The following PARN variants were observed in gnomAD, a reference collection of about 807,000 sequenced individuals.
PARN encodes the protein poly(A)-specific ribonuclease, also known as poly(A)-specific ribonuclease PARN.
Under a neutral mutation model 102.8 loss-of-function variants are expected in PARN, and 71 were observed. The observed-to-expected ratio is 0.69, with a 90% CI of 0.57 to 0.84. The LOEUF (loss-of-function observed/expected upper bound fraction) is 0.84. PARN is among the 40% of genes least tolerant of loss of function. The pLI is 0.00. For missense variants in PARN, 782 were observed against 760.9 expected, an observed-to-expected ratio of 1.03 and a Z score of -0.33; for synonymous variants, 261 against 252.9, an observed-to-expected ratio of 1.03 and a Z score of -0.30.
chr16:14,487,150 T>C (rs1963756220), intron 21 of PARN, among the ~76,000 whole-genome samples: 1 of 152,230 alleles, frequency 6.6e-6, no homozygotes, highest in South Asian at 2.1e-4. Flanking sequence ...GCACACAGCA[T>C]AGCATTTAAT....
intron 22 of PARN, among the ~76,000 whole-genome samples, chr16:14,449,189 T>C (rs1400510663): frequency 6.6e-6 from 1 of 152,160 alleles, no homozygotes; most frequent in African/African-American, 2.4e-5. Flanking sequence ...TTAAAAATAC[T>C]CTGTGAAATA....
chr16:14,498,398 C>G (rs776297956), intron 21 of PARN, among the ~76,000 whole-genome samples: 12 of 152,108 alleles, frequency 7.9e-5, no homozygotes, highest in Non-Finnish European at 1.6e-4. Flanking sequence ...TCCCTTTAAC[C>G]GTCCCTTGCC....
intron 23 of PARN, among the ~76,000 whole-genome samples, chr16:14,437,841 G>A (rs931071204): frequency 6.6e-6 from 1 of 152,200 alleles, no homozygotes; most frequent in Non-Finnish European, 1.5e-5. Flanking sequence ...ATATCACTGA[G>A]TTCACAGTGG....
intron 10 of PARN, among the ~76,000 whole-genome samples, chr16:14,605,467 G>A (rs946701110): frequency 3.3e-5 from 5 of 152,134 alleles, no homozygotes; most frequent in African/African-American, 4.8e-5. Context: ...TTTGAACATT[G>A]ACTTCTGAAG....
At chr16:14,501,646 G>A (rs761740022) in intron 21 of PARN, 1 of 151,924 alleles carries the variant, frequency 6.6e-6, no homozygotes, top group Non-Finnish European at 1.5e-5. Context: ...ACCAGGCAAT[G>A]TGCCACCATG....
chr16:14,485,773 C>T (rs560659655), intron 21 of PARN, among the ~76,000 whole-genome samples: 20 of 152,194 alleles, frequency 1.3e-4, no homozygotes, highest in African/African-American at 2.6e-4. Context: ...TTGCAACCTC[C>T]GCCTCCCGGG....
chr16:14,488,443 G>T (rs148967627), intron 21 of PARN, among the ~76,000 whole-genome samples: 5 of 152,284 alleles, frequency 3.3e-5, no homozygotes, highest in African/African-American at 1.2e-4. Context: ...AGAGAAGAAA[G>T]ACAATCTATA....
chr16:14,465,749 G>C (rs1477045818), intron 22 of PARN, among the ~76,000 whole-genome samples: 1 of 152,170 alleles, frequency 6.6e-6, no homozygotes, highest in East Asian at 1.9e-4. Context: ...TTGGAGGAAG[G>C]CTGAGGGTGG....
rs147487316 is a variant in PARN, at chr16:14,453,265, C to G, written c.1671-6184G>C. On this transcript the variant is annotated intron_variant, in intron 22 of 23. Transcript: ENST00000437198. Reference sequence around the variant, plus strand: ...ACTTTGATTAGTGTTTTGTTAAAAGCTAAGTCGCTGTCAACTATCCATCAA... The same window carrying G: ...ACTTTGATTAGTGTTTTGTTAAAAGGTAAGTCGCTGTCAACTATCCATCAA... Among the ~76,000 whole-genome samples, 1,404 of 152,304 alleles carry G rather than the reference C, an allele frequency of 9.2e-3. 25 individuals carry two copies. Among genetic ancestry groups the G allele is most frequent in the African/African-American group, 0.032 (1,314 of 41,562 alleles).
At chr16:14,593,151 A>G in intron 13 of PARN, 150 bp downstream of exon 13, 1 of 547,508 alleles carries the variant, frequency 1.8e-6, no homozygotes, top group Non-Finnish European at 3.2e-6. Context: ...AAAATGTGCA[A>G]CTGAGTGCAT....
Position 14,630,213 on chromosome 16 carries a change from G to C in PARN, c.-88C>G, listed in dbSNP as rs1972964136. 2 of 1,210,272 alleles carry C rather than the reference G, an allele frequency of 1.7e-6. No homozygotes were observed. Among genetic ancestry groups the C allele is most frequent in the Non-Finnish European group, 2.4e-6 (2 of 849,672 alleles). 75.0% of individuals were successfully genotyped at this position (1,210,272 alleles called of 1,614,324 possible). A position where few individuals can be genotyped will look rare whatever the true frequency, so the allele number is the denominator to read the frequency against. On this transcript the variant is annotated 5_prime_UTR_variant, in exon 1 of 24. Transcript: ENST00000437198. ...GCCGAATTCCGCGGCGACTGCGGCA[G>C]TAGCTGAGGCAGCCGCAGCGGTGAC...
chr16:14,478,247 T>C (rs1430982697), intron 22 of PARN, among the ~76,000 whole-genome samples: 1 of 152,074 alleles, frequency 6.6e-6, no homozygotes, highest in Non-Finnish European at 1.5e-5. Context: ...GCCCAGGAGT[T>C]CAAGGCTGCC....
At chr16:14,477,128 T>C (rs1250941697) in intron 22 of PARN, among the ~76,000 whole-genome samples, 1 of 152,136 alleles carries the variant, frequency 6.6e-6, no homozygotes, top group Non-Finnish European at 1.5e-5. Context: ...AACAAAAATA[T>C]ACGATGCAAA....
chr16:14,597,570 G>T (rs182461714), intron 12 of PARN, among the ~76,000 whole-genome samples: 3 of 152,008 alleles, frequency 2.0e-5, no homozygotes, highest in Admixed American at 1.3e-4. Context: ...GGTGGCAGGC[G>T]CCTGTAGTCC....
chr16:14,546,839 C>T (rs987046418), intron 21 of PARN, among the ~76,000 whole-genome samples: 12 of 152,236 alleles, frequency 7.9e-5, no homozygotes, highest in East Asian at 3.9e-4. Context: ...CAGTGGCTTA[C>T]GCTGTAATGC....
At chr16:14,469,202 C>G (rs928055622) in intron 22 of PARN, among the ~76,000 whole-genome samples, 4 of 152,048 alleles carry the variant, frequency 2.6e-5, no homozygotes, top group African/African-American at 9.7e-5. Flanking sequence ...GAGGCTGAGG[C>G]AGGAGAATCG....
chr16:14,489,973 A>T (rs890605826), intron 21 of PARN, among the ~76,000 whole-genome samples: 2 of 152,242 alleles, frequency 1.3e-5, no homozygotes, highest in African/African-American at 4.8e-5. Flanking sequence ...GTTCAAGACC[A>T]GCCTGGGTAA....
intron 13 of PARN, among the ~76,000 whole-genome samples, chr16:14,587,628 C>T (rs1969941185): frequency 6.6e-6 from 1 of 152,168 alleles, no homozygotes; most frequent in East Asian, 1.9e-4. Flanking sequence ...ACCACCACAC[C>T]CAGCCTTCTA....
chr16:14,554,306 G>A (rs575522032), intron 19 of PARN, among the ~76,000 whole-genome samples, 155 bp from the exon 20 acceptor site: 1 of 152,246 alleles, frequency 6.6e-6, no homozygotes, highest in Non-Finnish European at 1.5e-5. Context: ...TAGGATTGGT[G>A]GGATTCTGCC....
Sources: gnomAD v4.1 joint callset for allele counts (sites outside exome capture counted in the v4.1 genomes callset) on GRCh38, gnomAD v4.1.1 for gene constraint, MANE v1.5 for transcripts, NCBI Gene and HGNC (gene_info 2026-07-23, HGNC 2026-07-21) for gene names.